MAPK10: variants seen among roughly 807,000 people sequenced by gnomAD.
MAPK10 encodes JNK3 alpha protein kinase.
MAPK10 carries 25 observed loss-of-function variants against 59.3 expected under a neutral mutation model. That is an observed-to-expected ratio of 0.42 (90% CI 0.31 to 0.59). The LOEUF (loss-of-function observed/expected upper bound fraction) is 0.59. Among genes scored for constraint, MAPK10 ranks in the 20% least tolerant of loss-of-function variants. The pLI is 0.15. For synonymous variants in MAPK10, 190 were observed against 200.5 expected (o/e 0.95, Z 0.44); for missense variants, 351 against 568.9 (o/e 0.62, Z 3.90).
intron 4 of MAPK10, among the ~76,000 whole-genome samples, chr4:86,145,268 A>T (rs1476304725): frequency 1.1e-5 from 1 of 91,214 alleles, no homozygotes; most frequent in East Asian, 2.8e-4. Context: ...AGGCTGAGGC[A>T]GGAGAATGGC....
chr4:86,480,982 C>G (rs1753563210), intron 1 of MAPK10, among the ~76,000 whole-genome samples: 1 of 152,170 alleles, frequency 6.6e-6, no homozygotes, highest in Non-Finnish European at 1.5e-5. Context: ...CAAGGCTGTC[C>G]ATTCAGATTC....
intron 1 of MAPK10, among the ~76,000 whole-genome samples, chr4:86,480,227 C>T (rs563033000): frequency 9.9e-5 from 15 of 152,052 alleles, no homozygotes; most frequent in Admixed American, 4.6e-4. Flanking sequence ...TGAAAATGGC[C>T]GGTCCTTGCC....
chr4:86,550,560 G>A (rs1399336509), intron 1 of MAPK10, among the ~76,000 whole-genome samples: 1 of 152,006 alleles, frequency 6.6e-6, no homozygotes, highest in Non-Finnish European at 1.5e-5. Flanking sequence ...TTAGCCAGGT[G>A]TGGTGGTGCA....
chr4:86,538,166 G>T (rs1412760563), intron 1 of MAPK10, among the ~76,000 whole-genome samples: 2 of 143,310 alleles, frequency 1.4e-5, no homozygotes, highest in Non-Finnish European at 3.1e-5. Context: ...TTTTTTTTTA[G>T]ACGGAGTTTC....
intron 13 of MAPK10, chr4:86,026,287 G>A (rs1026674624): frequency 3.9e-5 from 6 of 152,104 alleles, no homozygotes; most frequent in African/African-American, 1.4e-4. Context: ...TAGTTCTAAC[G>A]TACTATAACA....
chr4:86,158,810 T>G (rs1403345026), intron 4 of MAPK10, among the ~76,000 whole-genome samples: 1 of 151,942 alleles, frequency 6.6e-6, no homozygotes, highest in South Asian at 2.1e-4. Context: ...TTTGGAAACA[T>G]GAGGCAAACA....
At chr4:86,146,496 T>A (rs184686620) in intron 4 of MAPK10, among the ~76,000 whole-genome samples, 59 of 152,246 alleles carry the variant, frequency 3.9e-4, no homozygotes, top group Non-Finnish European at 4.0e-4. Context: ...CTCAACTAGA[T>A]GACATTTCCA....
At chr4:86,139,923 C>T (rs574712181) in intron 4 of MAPK10, among the ~76,000 whole-genome samples, 1 of 147,764 alleles carries the variant, frequency 6.8e-6, no homozygotes, top group Non-Finnish European at 1.5e-5. Context: ...CCAAAAGACA[C>T]ATGAAAAAAT....
intron 2 of MAPK10, chr4:86,308,865 C>T (rs1453273466): frequency 6.6e-6 from 1 of 152,124 alleles, no homozygotes; most frequent in Non-Finnish European, 1.5e-5. Context: ...GCTAACTGTT[C>T]TGATATTTAA....
At position 86,388,029 on chromosome 4, in the gene MAPK10, C is replaced by T. The variant is rs554625335; in HGVS notation, c.-121-33385G>A. On this transcript the variant is annotated intron_variant, in intron 1 of 13. Coordinates refer to the MAPK10 transcript ENST00000361569. ...AAATATATAATAAAAATATAAAAAA[C>T]AATAAAAGTACTAAACAAATGGGAG... Among the ~76,000 whole-genome samples, 3 of 148,766 alleles carry T rather than the reference C, an allele frequency of 2.0e-5. No individual in the cohort carries two copies. The South Asian group carries it at 6.4e-4, about 32-fold the overall frequency.
In MAPK10 at chr4:86,011,547, C is replaced by A. The variant is rs985699580; in HGVS notation, c.*5681G>T. 1 of 152,176 alleles carries A rather than the reference C, an allele frequency of 6.6e-6. No homozygotes were observed. Among genetic ancestry groups the A allele is most frequent in the African/African-American group, 2.4e-5 (1 of 41,438 alleles). The allele number at this position is 152,176 out of a possible 1,614,324, so 9.4% of individuals were successfully genotyped here. ...GTCAAAATTACCAAATGTTTGGTAA[C>A]CATTTATGGTATCAGGAATGCACCA... On this transcript the variant is annotated 3_prime_UTR_variant, in exon 14 of 14. Transcript: ENST00000641462.
chr4:86,022,035 C>A (rs1177181292), intron 13 of MAPK10, among the ~76,000 whole-genome samples: 1 of 152,230 alleles, frequency 6.6e-6, no homozygotes, highest in Non-Finnish European at 1.5e-5. Flanking sequence ...CCAGCCTTGG[C>A]CAGCCCAGAA....
intron 2 of MAPK10, among the ~76,000 whole-genome samples, chr4:86,202,466 T>G (rs1226369178): frequency 6.6e-6 from 1 of 151,992 alleles, no homozygotes; most frequent in Non-Finnish European, 1.5e-5. Flanking sequence ...TGTTGGTATA[T>G]AGATAATGTT....
upstream of MAPK10, chr4:86,453,354 A>C (rs1750943464): frequency 6.5e-6 from 1 of 152,704 alleles, no homozygotes; most frequent in Non-Finnish European, 1.5e-5. Flanking sequence ...GCCTGGGGAA[A>C]GTACTCGGTC....
chr4:86,507,655 T>TATATATATATATATACAC (rs1755886619), intron 1 of MAPK10, among the ~76,000 whole-genome samples: 2 of 71,266 alleles, frequency 2.8e-5, no homozygotes, highest in Non-Finnish European at 5.8e-5. Context: ...TATATATATA[T>TATATATATATATATACAC]ATATATATAT....
At chr4:86,077,666 G>A (rs965570568) in intron 9 of MAPK10, among the ~76,000 whole-genome samples, 5 of 152,168 alleles carry the variant, frequency 3.3e-5, no homozygotes, top group Admixed American at 2.0e-4. Context: ...TTTGTACTCT[G>A]CTCTAGGCCT....
intron 1 of MAPK10, among the ~76,000 whole-genome samples, chr4:86,376,712 T>C (rs17011845): frequency 0.01 from 1,527 of 152,300 alleles, 19 homozygotes; most frequent in African/African-American, 0.035. Context: ...GCATTAGACA[T>C]GAGAAACAAC....
chr4:86,202,414 CTA>C (rs1339298187), intron 2 of MAPK10, among the ~76,000 whole-genome samples: 3 of 151,798 alleles, frequency 2.0e-5, no homozygotes, highest in Non-Finnish European at 2.9e-5. Context: ...AGGAAAATGA[CTA>C]TGTTTTATTA....
intron 4 of MAPK10, chr4:86,117,550 T>C (rs964027569): frequency 1.3e-5 from 2 of 152,210 alleles, no homozygotes; most frequent in African/African-American, 4.8e-5. Context: ...GACTCTTCTA[T>C]GTCATACCTT....
Sources: gnomAD v4.1 joint callset for allele counts (sites outside exome capture counted in the v4.1 genomes callset) on GRCh38, gnomAD v4.1.1 for gene constraint, MANE v1.5 for transcripts, NCBI Gene and HGNC (gene_info 2026-07-23, HGNC 2026-07-21) for gene names.